The following PSMD14 variants were observed in gnomAD, a reference collection of about 807,000 sequenced individuals.
PSMD14 encodes ubiquitin C-terminal hydrolase PSMD14.
In PSMD14, 7 loss-of-function variants were observed where a neutral mutation model predicts 41.2. That is an observed-to-expected ratio of 0.17 (90% CI 0.10 to 0.32). The LOEUF (loss-of-function observed/expected upper bound fraction) is 0.32. Ranked by LOEUF, PSMD14 falls within the 10% of genes least tolerant of loss-of-function variation. The pLI, the probability that PSMD14 is intolerant of heterozygous loss-of-function variation, is 1.00. For synonymous variants in PSMD14, 114 were observed against 122.3 expected (o/e 0.93, Z 0.45); for missense variants, 139 against 375.6 (o/e 0.37, Z 5.21).
Position 161,411,437 on chromosome 2 carries a change from A to G in PSMD14, c.*37A>G, listed in dbSNP as rs1684023622. On this transcript the variant is annotated 3_prime_UTR_variant, in exon 12 of 12. Transcript: ENST00000409682. The stretch of plus-strand genomic sequence containing the variant: ...ACGCTATTAATGATGCCTTCAGTGT[A>G]TATTCCTCTGTTGTTCCTAATGCTC... The G allele has an allele frequency of 1.4e-6, 2 of 1,434,834 alleles. No individual in the cohort carries two copies. The highest frequency in any genetic ancestry group is 1.9e-6 in the Non-Finnish European group (2 of 1,036,974). 88.9% of individuals were successfully genotyped at this position (1,434,834 alleles called of 1,614,324 possible). A position where few individuals can be genotyped will look rare whatever the true frequency, so the allele number is the denominator to read the frequency against.
chr2:161,409,830 CA>C (rs1684000281), intron 11 of PSMD14, among the ~76,000 whole-genome samples: 1 of 152,024 alleles, frequency 6.6e-6, no homozygotes, highest in South Asian at 2.1e-4. Flanking sequence ...CAAGTACCCT[CA>C]AAAAGCAAAA....
chr2:161,390,796 A>G (rs1323582460), intron 8 of PSMD14, among the ~76,000 whole-genome samples: 1 of 152,174 alleles, frequency 6.6e-6, no homozygotes, highest in Non-Finnish European at 1.5e-5. Context: ...TTAATAAATT[A>G]TGAATGATTT....
intron 10 of PSMD14, among the ~76,000 whole-genome samples, chr2:161,406,082 G>A (rs1026486727): frequency 1.3e-5 from 2 of 152,120 alleles, no homozygotes; most frequent in Non-Finnish European, 2.9e-5. Flanking sequence ...GATCCCATCA[G>A]TGTTTGTAAA....
Position 161,388,664 on chromosome 2 carries a change from C to CCA in PSMD14, c.571-2438_571-2437dup, listed in dbSNP as rs201580850. On this transcript the variant is annotated intron_variant, in intron 8 of 11. Coordinates refer to ENST00000409682, the MANE Select transcript of PSMD14 (RefSeq NM_005805.6). ...AACGTGATTTAAAGGATATCAGTTACCACCGTATTTTCAGTTTATCAATAT... is the reference window on the plus strand; with the variant it reads ...AACGTGATTTAAAGGATATCAGTTACCACACCGTATTTTCAGTTTATCAATAT... 7.2e-5 allele frequency among the ~76,000 whole-genome samples: 11 copies of CCA among 152,176 alleles called. No homozygotes were observed. In the East Asian group the frequency reaches 1.9e-3, roughly 27 times the overall value.
intron 3 of PSMD14, among the ~76,000 whole-genome samples, chr2:161,359,316 A>G (rs751653469): frequency 6.6e-6 from 1 of 152,146 alleles, no homozygotes; most frequent in Non-Finnish European, 1.5e-5. Flanking sequence ...ATATAATTTT[A>G]TATGCTTATA....
chr2:161,401,660 A>G (rs937523420), intron 10 of PSMD14, among the ~76,000 whole-genome samples: 9 of 152,190 alleles, frequency 5.9e-5, no homozygotes, highest in African/African-American at 1.9e-4. Flanking sequence ...GCACATACAT[A>G]TATGATCTTT....
chr2:161,365,794 T>G (rs898741444), intron 3 of PSMD14, among the ~76,000 whole-genome samples: 38 of 152,172 alleles, frequency 2.5e-4, no homozygotes, highest in Non-Finnish European at 2.9e-4. Flanking sequence ...CATTTCTTTG[T>G]GCTGAGAACA....
At chr2:161,348,642 A>G (rs964394834) in intron 3 of PSMD14, among the ~76,000 whole-genome samples, 2 of 152,270 alleles carry the variant, frequency 1.3e-5, no homozygotes, top group African/African-American at 4.8e-5. Flanking sequence ...TAAGATACCC[A>G]AAATGATACT....
chr2:161,390,051 C>G (rs1160216202), intron 8 of PSMD14, among the ~76,000 whole-genome samples: 1 of 150,800 alleles, frequency 6.6e-6, no homozygotes, highest in Non-Finnish European at 1.5e-5. Context: ...TTTCATCTGT[C>G]AAAATACAAA....
intron 4 of PSMD14, 70 bp downstream of exon 4, chr2:161,367,619 A>G (rs1683376823): frequency 6.9e-7 from 1 of 1,454,368 alleles, no homozygotes. Context: ...ACTTTGGAAT[A>G]TTTGTCACCT....
chr2:161,405,685 T>C (rs1683939205), intron 10 of PSMD14, among the ~76,000 whole-genome samples: 1 of 152,212 alleles, frequency 6.6e-6, no homozygotes, highest in Non-Finnish European at 1.5e-5. Context: ...TACATATTTT[T>C]GAAATCCACT....
In PSMD14 at chr2:161,356,649, G is replaced by A. The variant is rs548978167; in HGVS notation, c.49-10829G>A. Among the ~76,000 whole-genome samples the A allele has an allele frequency of 4.0e-5, 6 of 151,680 alleles. No homozygotes were observed. The South Asian group carries it at 1.2e-3, about 32-fold the overall frequency. ...AGCCTATTTTCTTTTTTGTTATAAA[G>A]CATATATTTTAACAGACTTTTAAAA... is the stretch of plus-strand genomic sequence containing the variant. On this transcript the variant is annotated intron_variant, in intron 3 of 11. Coordinates refer to ENST00000409682, the MANE Select transcript of PSMD14 (RefSeq NM_005805.6).
chr2:161,371,033 G>T, intron 6 of PSMD14, 139 bp from the exon 7 acceptor site: 1 of 892,450 alleles, frequency 1.1e-6, no homozygotes. Flanking sequence ...ACAATTTCAG[G>T]GTTTCTAATG....
intron 3 of PSMD14, among the ~76,000 whole-genome samples, chr2:161,359,065 CT>C (rs1260878323): frequency 1.3e-5 from 2 of 152,138 alleles, no homozygotes; most frequent in African/African-American, 4.8e-5. Flanking sequence ...GCCTCCTGAG[CT>C]GAAGCAATCC....
chr2:161,362,586 G>A (rs1056218179), intron 3 of PSMD14, among the ~76,000 whole-genome samples: 5 of 152,144 alleles, frequency 3.3e-5, no homozygotes, highest in African/African-American at 1.2e-4. Context: ...ATTTAGTAAT[G>A]TATTTGTGGG....
At chr2:161,330,365 A>G (rs553574491) in intron 3 of PSMD14, among the ~76,000 whole-genome samples, 32 of 152,304 alleles carry the variant, frequency 2.1e-4, no homozygotes, top group Non-Finnish European at 7.4e-5. Flanking sequence ...TTGCAACATA[A>G]TCTCAATATT....
At chr2:161,385,855 CATT>C (rs1683628222) in intron 8 of PSMD14, among the ~76,000 whole-genome samples, 1 of 151,632 alleles carries the variant, frequency 6.6e-6, no homozygotes, top group African/African-American at 2.4e-5. Flanking sequence ...GCATGGTTAA[CATT>C]ATAGAGAAGG....
At chr2:161,399,180 A>G (rs1683841634) in intron 10 of PSMD14, among the ~76,000 whole-genome samples, 1 of 152,142 alleles carries the variant, frequency 6.6e-6, no homozygotes, top group South Asian at 2.1e-4. Flanking sequence ...ATTGGGACAT[A>G]ACCATGTTTC....
Position 161,411,653 on chromosome 2 carries a change from G to GA in PSMD14, c.*259dup. ...TTTGTTAAGATCCCATTTAATATTT[G>GA]AAAAAATCAGTAGCACAAATATATT... On this transcript the variant is annotated 3_prime_UTR_variant, in exon 12 of 12. Coordinates refer to ENST00000409682, the MANE Select transcript of PSMD14 (RefSeq NM_005805.6). 4.3e-6 allele frequency: 1 copy of GA among 232,368 alleles called. No homozygotes were observed. Among genetic ancestry groups the GA allele is most frequent in the Non-Finnish European group, 8.3e-6 (1 of 120,538 alleles). The allele number at this position is 232,368 out of a possible 1,614,324, so 14.4% of individuals were successfully genotyped here.
Sources: gnomAD v4.1 joint callset for allele counts (sites outside exome capture counted in the v4.1 genomes callset) on GRCh38, gnomAD v4.1.1 for gene constraint, MANE v1.5 for transcripts, NCBI Gene and HGNC (gene_info 2026-07-23, HGNC 2026-07-21) for gene names.